Variants in ALG5 observed in about 807,000 individuals in gnomAD.
ALG5 encodes the protein dolichyl-phosphate beta-glucosyltransferase.
ALG5 carries 26 observed loss-of-function variants against 51.8 expected under a neutral mutation model. That is an observed-to-expected ratio of 0.50 (90% CI 0.37 to 0.70). The LOEUF (loss-of-function observed/expected upper bound fraction) is 0.70, where lower values mean the gene tolerates loss of function less well. ALG5 is among the 30% of genes least tolerant of loss of function. ALG5 has a pLI of 0.00. For missense variants in ALG5, 311 were observed against 399.3 expected (o/e 0.78, Z 1.88); for synonymous variants, 141 against 136.1 (o/e 1.04, Z -0.25).
intron 8 of ALG5, among the ~76,000 whole-genome samples, chr13:36,961,790 G>A (rs1016222819): frequency 2.6e-5 from 4 of 152,048 alleles, no homozygotes; most frequent in African/African-American, 9.7e-5. Context: ...GATACTGAGA[G>A]TCTTTTTTTG....
chr13:36,976,232 C>A (rs998699067), intron 6 of ALG5, among the ~76,000 whole-genome samples: 1 of 138,266 alleles, frequency 7.2e-6, no homozygotes, highest in Non-Finnish European at 1.6e-5. Flanking sequence ...AGTTCAAGAC[C>A]CGTCTGGCCA....
chr13:36,950,771 A>T (rs977025167), intron 9 of ALG5, among the ~76,000 whole-genome samples: 2 of 152,012 alleles, frequency 1.3e-5, no homozygotes, highest in African/African-American at 4.8e-5. Flanking sequence ...TTTTTTATAG[A>T]GATGAGGTCT....
chr13:36,998,410 G>A (rs2059061412), intron 1 of ALG5, among the ~76,000 whole-genome samples: 1 of 152,148 alleles, frequency 6.6e-6, no homozygotes, highest in African/African-American at 2.4e-5. Context: ...GGCCTTCCTG[G>A]CAGTGCTGTC....
chr13:36,997,056 C>T (rs892937876), intron 1 of ALG5, among the ~76,000 whole-genome samples: 1 of 152,152 alleles, frequency 6.6e-6, no homozygotes, highest in Non-Finnish European at 1.5e-5. Context: ...GTGATCAGGT[C>T]TCTCCATCCT....
chr13:36,973,188 A>T lies in ALG5; in HGVS notation c.562-1152T>A, dbSNP rs541568164. Among the ~76,000 whole-genome samples, 10 of 152,112 alleles carry T rather than the reference A, an allele frequency of 6.6e-5. No individual in the cohort carries two copies. The South Asian group carries it at 2.1e-3, about 32-fold the overall frequency. ...AATAATCAAGAAAAAAGCCAGGAAAATTCAAGAGTAAAGGATGACTCATCA... is the reference window on the plus strand; with the variant it reads ...AATAATCAAGAAAAAAGCCAGGAAATTTCAAGAGTAAAGGATGACTCATCA... On this transcript the variant is annotated intron_variant, in intron 6 of 9. Transcript: ENST00000239891.
intron 4 of ALG5, 115 bp downstream of exon 4, chr13:36,993,489 G>T: frequency 1.2e-6 from 1 of 823,946 alleles, no homozygotes. Context: ...CTATAACAAT[G>T]GAGAGTGTTA....
chr13:36,983,208 A>T (rs2058987426), intron 6 of ALG5, among the ~76,000 whole-genome samples: 1 of 152,168 alleles, frequency 6.6e-6, no homozygotes, highest in Non-Finnish European at 1.5e-5. Context: ...CCTCCCTCCC[A>T]CTGAGTGACT....
At chr13:36,963,179 G>A (rs187090948) in intron 8 of ALG5, among the ~76,000 whole-genome samples, 240 of 152,112 alleles carry the variant, frequency 1.6e-3, no homozygotes, top group Admixed American at 4.2e-3. Context: ...TTTAACTCCC[G>A]GCCTCAAGTG....
intron 6 of ALG5, among the ~76,000 whole-genome samples, chr13:36,983,359 T>C (rs1446744855): frequency 6.6e-6 from 1 of 152,204 alleles, no homozygotes; most frequent in Non-Finnish European, 1.5e-5. Context: ...ATGTTGGACA[T>C]GAAATACTTT....
intron 7 of ALG5, 67 bp from the exon 8 acceptor site, chr13:36,965,793 G>C: frequency 7.3e-7 from 1 of 1,377,450 alleles, no homozygotes; most frequent in Non-Finnish European, 1.0e-6. Flanking sequence ...GAAAACACCT[G>C]GCTGTAGACA....
chr13:36,951,677 T>C (rs527923410), intron 9 of ALG5, among the ~76,000 whole-genome samples: 78 of 152,244 alleles, frequency 5.1e-4, no homozygotes, highest in Non-Finnish European at 9.4e-4. Context: ...AGATTTATGA[T>C]AGATTTCAAG....
chr13:36,998,870 T>C (rs2059066734), intron 1 of ALG5: 1 of 207,500 alleles, frequency 4.8e-6, no homozygotes, highest in South Asian at 1.6e-4. Context: ...GGAGCAGAAC[T>C]GCAGCGGCTG....
At chr13:36,975,119 G>C (rs1156687045) in intron 6 of ALG5, among the ~76,000 whole-genome samples, 1 of 152,172 alleles carries the variant, frequency 6.6e-6, no homozygotes, top group Non-Finnish European at 1.5e-5. Flanking sequence ...GTTGCGGCAG[G>C]AGAATTGCTT....
At chr13:36,954,478 A>G (rs2058831590) in intron 8 of ALG5, among the ~76,000 whole-genome samples, 1 of 152,190 alleles carries the variant, frequency 6.6e-6, no homozygotes, top group Non-Finnish European at 1.5e-5. Context: ...GGCTTGAGCC[A>G]CTGTGTCTGA....
At chr13:36,950,673 G>A (rs1250169594) in intron 9 of ALG5, among the ~76,000 whole-genome samples, 2 of 151,678 alleles carry the variant, frequency 1.3e-5, no homozygotes, top group African/African-American at 2.4e-5. Flanking sequence ...TTGACCTCCC[G>A]GGCTCAAACG....
intron 8 of ALG5, among the ~76,000 whole-genome samples, chr13:36,960,289 A>G (rs935612722): frequency 6.6e-5 from 10 of 152,306 alleles, no homozygotes; most frequent in Middle Eastern, 6.8e-3. Context: ...CTAAAACTGA[A>G]CAACTGAGAA....
At position 36,957,469 on chromosome 13, in the gene ALG5, G is replaced by C. The variant is rs539533363; in HGVS notation, c.774-4870C>G. Among the ~76,000 whole-genome samples the C allele has an allele frequency of 3.3e-5, 5 of 152,154 alleles. No homozygotes were observed. In the East Asian group the frequency reaches 9.7e-4, roughly 29 times the overall value. On this transcript the variant is annotated intron_variant, in intron 8 of 9. Coordinates refer to ENST00000239891, the MANE Select transcript of ALG5 (RefSeq NM_013338.5). ...GAGTGACAATGGCCCCGCTTTCAAG[G>C]CTGCGGTAACCCAGGAAGTATCCCA...
chr13:36,971,147 T>C (rs1593668276), intron 7 of ALG5, among the ~76,000 whole-genome samples: 1 of 152,288 alleles, frequency 6.6e-6, no homozygotes, highest in East Asian at 1.9e-4. Flanking sequence ...TAGCATAACC[T>C]ACAAAATGAA....
intron 8 of ALG5, among the ~76,000 whole-genome samples, chr13:36,964,054 A>G (rs1025255652): frequency 1.3e-5 from 2 of 152,236 alleles, no homozygotes; most frequent in Admixed American, 6.5e-5. Context: ...TTACACAAAT[A>G]TAAGAAAAAA....
Sources: gnomAD v4.1 joint callset for allele counts (sites outside exome capture counted in the v4.1 genomes callset) on GRCh38, gnomAD v4.1.1 for gene constraint, MANE v1.5 for transcripts, NCBI Gene and HGNC (gene_info 2026-07-23, HGNC 2026-07-21) for gene names.